CDH13: variants seen among roughly 807,000 people sequenced by gnomAD.
CDH13 encodes the protein cadherin 13.
A neutral mutation model predicts 63.8 loss-of-function variants in CDH13; 24 were observed. The ratio of observed to expected loss-of-function variants is 0.38; its 90% confidence interval spans 0.27 to 0.53. CDH13 has a LOEUF of 0.53. CDH13 is among the 20% of genes least tolerant of loss of function. The pLI is 0.85. For missense variants in CDH13, 1,049 were observed against 903.1 expected, an observed-to-expected ratio of 1.16 and a Z score of -2.07; for synonymous variants, 503 against 355.3, an observed-to-expected ratio of 1.42 and a Z score of -4.67.
At chr16:83,670,167 G>T (rs1032253311) in intron 8 of CDH13, among the ~76,000 whole-genome samples, 1 of 152,156 alleles carries the variant, frequency 6.6e-6, no homozygotes, top group African/African-American at 2.4e-5. Context: ...GGATGGGATT[G>T]GTTTTCTTCA....
At chr16:83,341,697 C>T (rs900135536) in intron 5 of CDH13, among the ~76,000 whole-genome samples, 17 of 152,252 alleles carry the variant, frequency 1.1e-4, no homozygotes, top group South Asian at 4.1e-4. Flanking sequence ...GATTGTTCTA[C>T]GCAAAAACTC....
chr16:82,736,443 A>G (rs2151045348), intron 1 of CDH13, among the ~76,000 whole-genome samples: 1 of 152,312 alleles, frequency 6.6e-6, no homozygotes, highest in Admixed American at 6.5e-5. Flanking sequence ...TAGCCTTCCC[A>G]GATGCATTGA....
At chr16:82,894,850 A>T (rs764304034) in intron 2 of CDH13, among the ~76,000 whole-genome samples, 2 of 152,190 alleles carry the variant, frequency 1.3e-5, no homozygotes, top group Non-Finnish European at 2.9e-5. Context: ...CTAACCAGAG[A>T]GGAAGACTAT....
At chr16:83,298,013 C>A (rs2089642298) in intron 5 of CDH13, among the ~76,000 whole-genome samples, 1 of 145,024 alleles carries the variant, frequency 6.9e-6, no homozygotes, top group Non-Finnish European at 1.5e-5. Flanking sequence ...GAGTTCTAGA[C>A]CAGCCTAGGT....
At chr16:83,401,599 C>T (rs2091968946) in intron 6 of CDH13, among the ~76,000 whole-genome samples, 1 of 152,044 alleles carries the variant, frequency 6.6e-6, no homozygotes, top group African/African-American at 2.4e-5. Context: ...AAATTATATA[C>T]TTTAAACCTC....
At chr16:82,784,617 C>G (rs1597570740) in intron 1 of CDH13, among the ~76,000 whole-genome samples, 1 of 152,226 alleles carries the variant, frequency 6.6e-6, no homozygotes, top group East Asian at 1.9e-4. Context: ...GAATTAATAC[C>G]TCTTTATAAA....
chr16:83,346,891 C>G (rs1227498094), intron 6 of CDH13, among the ~76,000 whole-genome samples: 3 of 152,012 alleles, frequency 2.0e-5, no homozygotes, highest in African/African-American at 7.3e-5. Context: ...AAACATAAAC[C>G]ACCTCAAATA....
intron 6 of CDH13, 87 bp downstream of exon 6, chr16:83,345,093 T>C: frequency 7.0e-7 from 1 of 1,428,546 alleles, no homozygotes. Flanking sequence ...GTCTTATGGC[T>C]GTTCCAACTT....
intron 1 of CDH13, among the ~76,000 whole-genome samples, chr16:82,766,555 A>T (rs2035058946): frequency 2.6e-5 from 4 of 152,238 alleles, no homozygotes. Flanking sequence ...ATTGAGCTTC[A>T]TTATCTCTCT....
At chr16:83,493,588 C>A (rs547736636) in intron 7 of CDH13, among the ~76,000 whole-genome samples, 96 of 152,222 alleles carry the variant, frequency 6.3e-4, no homozygotes, top group African/African-American at 2.0e-3. Context: ...GTGGCATGGA[C>A]AAAGGCATGG....
chr16:83,317,787 G>T (rs966671676), intron 5 of CDH13, among the ~76,000 whole-genome samples: 1 of 150,966 alleles, frequency 6.6e-6, no homozygotes, highest in Admixed American at 6.6e-5. Flanking sequence ...GTGACAAAGC[G>T]AGACTCTGTC....
chr16:83,198,064 C>T (rs989666011), intron 4 of CDH13, among the ~76,000 whole-genome samples: 1 of 152,124 alleles, frequency 6.6e-6, no homozygotes, highest in Non-Finnish European at 1.5e-5. Flanking sequence ...GATTTATCGA[C>T]ATTTTAGTAT....
chr16:82,965,965 C>G (rs1334669478), intron 2 of CDH13, among the ~76,000 whole-genome samples: 1 of 152,114 alleles, frequency 6.6e-6, no homozygotes, highest in African/African-American at 2.4e-5. Flanking sequence ...CTGAGTAATT[C>G]AGGGCATGAA....
intron 13 of CDH13, among the ~76,000 whole-genome samples, chr16:83,786,652 A>G (rs1481536692): frequency 6.6e-6 from 1 of 151,714 alleles, no homozygotes; most frequent in African/African-American, 2.4e-5. Flanking sequence ...CAGTGGCGTC[A>G]TCTCAGCTTA....
intron 8 of CDH13, among the ~76,000 whole-genome samples, chr16:83,667,620 T>G (rs1914115856): frequency 6.6e-6 from 1 of 152,104 alleles, no homozygotes; most frequent in Non-Finnish European, 1.5e-5. Context: ...AAAAGAACTT[T>G]TAGGGTAAAA....
intron 3 of CDH13, among the ~76,000 whole-genome samples, chr16:83,106,553 A>G (rs1396334716): frequency 6.6e-6 from 1 of 152,190 alleles, no homozygotes. Flanking sequence ...ACAAAACAAA[A>G]CAAAACAATA....
chr16:82,924,635 G>C (rs13336904), intron 2 of CDH13, among the ~76,000 whole-genome samples: 6,985 of 152,180 alleles, frequency 0.046, 496 homozygotes, highest in African/African-American at 0.15. Flanking sequence ...TTAAGATAAA[G>C]CCCGGGAGCA....
At chr16:82,959,102 G>T (rs1358497863) in intron 2 of CDH13, among the ~76,000 whole-genome samples, 2 of 152,118 alleles carry the variant, frequency 1.3e-5, no homozygotes, top group Non-Finnish European at 2.9e-5. Flanking sequence ...TTCCCTTTTG[G>T]ATATAAATAA....
At chr16:82,648,168 T>C (rs1421140446) in intron 1 of CDH13, among the ~76,000 whole-genome samples, 2 of 152,238 alleles carry the variant, frequency 1.3e-5, no homozygotes, top group African/African-American at 4.8e-5. Context: ...TATTTCATCA[T>C]AGCAGTTTGA....
Sources: gnomAD v4.1 joint callset for allele counts (sites outside exome capture counted in the v4.1 genomes callset) on GRCh38, gnomAD v4.1.1 for gene constraint, MANE v1.5 for transcripts, NCBI Gene and HGNC (gene_info 2026-07-23, HGNC 2026-07-21) for gene names.